INPPL1: variants seen among roughly 807,000 people sequenced by gnomAD.
INPPL1 encodes the protein inositol polyphosphate phosphatase like 1, also known as phosphatidylinositol 3,4,5-trisphosphate 5-phosphatase 2.
INPPL1 carries 91 observed loss-of-function variants against 139.3 expected under a neutral mutation model. That is an observed-to-expected ratio of 0.65 (90% confidence interval 0.55 to 0.78). The LOEUF (loss-of-function observed/expected upper bound fraction) is 0.78, where lower values mean the gene tolerates loss of function less well. INPPL1 is among the 30% of genes least tolerant of loss of function. The probability of loss-of-function intolerance (pLI) is 0.00; values close to 1 mark genes in which losing one functional copy is unlikely to be tolerated. For missense variants in INPPL1, 1,411 were observed against 1,665.6 expected, an observed-to-expected ratio of 0.85 and a Z score of 2.66; for synonymous variants, 719 against 686.6, an observed-to-expected ratio of 1.05 and a Z score of -0.74.
rs753306914 is a variant in INPPL1 at position 72,237,466 on chromosome 11, G to T, written c.3222G>T (p.Gly1074=). ...CCCCCAGCCTGGATCCTTTACCAGG[G>T]CCAGTGGTCCGGGGCCGTGGTGGGG... The part of the protein sequence containing the change: ...FLPPSLDPLP[G]PVVRGRGGAE... Residue 1074 remains glycine (G), a synonymous_variant, in exon 26 of 28, where the codon GGG becomes GGT. Transcript: ENST00000298229. 2 of 1,610,046 alleles carry T rather than the reference G, an allele frequency of 1.2e-6. No homozygotes were observed. The highest frequency in any genetic ancestry group is 2.7e-5 in the African/African-American group (2 of 74,884).
rs531392448 is a variant in INPPL1 at position 72,230,504 on chromosome 11, C to T, written c.1197+36C>T. 57 of 1,586,750 alleles carry T rather than the reference C, an allele frequency of 3.6e-5. 1 individual carries two copies. In the South Asian group the frequency reaches 5.1e-4, roughly 14 times the overall value. ...GGCTGGGCCAGGCCACTGGGGACTG[C>T]GGGGGTCCCCCACATGGGTGCTTCC... On this transcript the variant is annotated intron_variant, in intron 10 of 27. Coordinates refer to ENST00000298229, the MANE Select transcript of INPPL1 (RefSeq NM_001567.4).
intron 1 of INPPL1, among the ~76,000 whole-genome samples, chr11:72,227,591 G>T (rs1245466680): frequency 6.6e-6 from 1 of 152,138 alleles, no homozygotes; most frequent in African/African-American, 2.4e-5. Flanking sequence ...CTCAACTGCG[G>T]CTCCTGTCTG....
intron 25 of INPPL1, 72 bp downstream of exon 25, chr11:72,236,058 C>A: frequency 1.2e-6 from 1 of 861,508 alleles, no homozygotes; most frequent in Non-Finnish European, 1.8e-6. Context: ...CCTGCAGGGT[C>A]TCAGGGTTGG....
chr11:72,223,838 G>A (rs1948587409), upstream of INPPL1: 2 of 150,240 alleles, frequency 1.3e-5, no homozygotes, highest in Admixed American at 6.7e-5. Context: ...CCGGCTCCCC[G>A]GGGCGGCGCG....
Position 72,238,365 on chromosome 11 carries a change from C to T in INPPL1, c.*12C>T, listed in dbSNP as rs1471782417. On this transcript the variant is annotated 3_prime_UTR_variant, in exon 28 of 28. Coordinates refer to ENST00000298229, the MANE Select transcript of INPPL1 (RefSeq NM_001567.4). ...AGCTCAGCAAGTGATAGCGGAGGCA[C>T]CACGAAGCTGTGAACTCAGAGCCCC... is the stretch of plus-strand genomic sequence containing the variant. The T allele has an allele frequency of 6.6e-7, 1 of 1,526,406 alleles. No homozygotes were observed. The highest frequency in any genetic ancestry group is 2.2e-5 in the Admixed American group (1 of 46,286). The allele number at this position is 1,526,406 out of a possible 1,614,324, so 94.6% of individuals were successfully genotyped here.
Position 72,231,118 on chromosome 11 carries a change from G to T in INPPL1, c.1426G>T (p.Val476Leu). The change falls in exon 12 of 28, where the codon GTG becomes TTG. Residue 476 changes from valine to leucine, a missense_variant. Around this residue, in one of 5 missense-constraint regions of INPPL1, gnomAD observed 363 missense variants for 446.2 expected, o/e 0.81. Coordinates refer to ENST00000298229, the MANE Select transcript of INPPL1 (RefSeq NM_001567.4). ...IYVFGTQENS[V>L]GDREWLDLLR... ...TGTCTTTGGGACCCAGGAGAACTCA[G>T]TGGGCGACCGCGAGTGGCTGGACCT... 1 of 1,613,932 alleles carries T rather than the reference G, an allele frequency of 6.2e-7. No homozygotes were observed. Among genetic ancestry groups the T allele is most frequent in the Non-Finnish European group, 8.5e-7 (1 of 1,180,014 alleles).
rs1565389521 is a variant in INPPL1, at chr11:72,231,111, G to A, written c.1419G>A (p.Glu473=). ...ACATCTATGTCTTTGGGACCCAGGA[G>A]AACTCAGTGGGCGACCGCGAGTGGC... ...PHDIYVFGTQ[E]NSVGDREWLD... The change falls in exon 12 of 28, where the codon GAG becomes GAA. Residue 473 remains glutamate, a synonymous_variant. Transcript: ENST00000298229. 1 of 1,613,998 alleles carries A rather than the reference G, an allele frequency of 6.2e-7. No individual in the cohort carries two copies. The highest frequency in any genetic ancestry group is 8.5e-7 in the Non-Finnish European group (1 of 1,180,028).
chr11:72,232,194 C>A (rs1348915958), intron 13 of INPPL1, 46 bp from the exon 14 acceptor site: 3 of 1,415,466 alleles, frequency 2.1e-6, no homozygotes, highest in South Asian at 1.2e-5. Flanking sequence ...GAGTTGGGAG[C>A]CCTCTGAGGA....
rs150912074 is a variant in INPPL1, at chr11:72,237,764, C to G, written c.3520C>G (p.Arg1174Gly). The G allele has an allele frequency of 1.1e-5, 18 of 1,610,012 alleles. No homozygotes were observed. The highest frequency in any genetic ancestry group is 6.7e-5 in the East Asian group (3 of 44,710). ...RPLSFPPPRI[R>G]ESIQEDLAEE... ...CCTCAGCTTCCCTCCACCCCGCATC[C>G]GGGAGAGCATCCAGGAAGACCTGGC... The change falls in exon 26 of 28, where the codon CGG becomes GGG. Residue 1174 changes from arginine to glycine, a missense_variant. Physicochemically the swap from Arg to Gly is moderately radical, Grantham distance 125. Transcript: ENST00000298229.
chr11:72,228,134 T>C lies in INPPL1; in HGVS notation c.183-56T>C. On this transcript the variant is annotated intron_variant, in intron 1 of 27. Transcript: ENST00000298229. This position sits in a 1 kb window ranked among gnomAD's most constrained non-coding sequence, Gnocchi z 5.0. ...CTTGCTGGCAGGAGGAAGGGGTGCT[T>C]TGGGTCTTAGACCCCAGCCTGGGGG... is the stretch of plus-strand genomic sequence containing the variant. 6.3e-7 allele frequency: 1 copy of C among 1,595,840 alleles called. No homozygotes were observed. The highest frequency in any genetic ancestry group is 1.1e-5 in the South Asian group (1 of 90,624).
chr11:72,237,688 C>G lies in INPPL1; in HGVS notation c.3444C>G (p.Gly1148=), dbSNP rs1420151966. The G allele has an allele frequency of 6.2e-7, 1 of 1,611,876 alleles. No homozygotes were observed. The highest frequency in any genetic ancestry group is 8.5e-7 in the Non-Finnish European group (1 of 1,179,504). ...CTGCACGCTCAGCGCTCCTCCCAGGCCCCCTGGAGCTGCAGCCCCCCCGGG... is the reference window on the plus strand; with the variant it reads ...CTGCACGCTCAGCGCTCCTCCCAGGGCCCCTGGAGCTGCAGCCCCCCCGGG... ...AGPARSALLP[G]PLELQPPRGL... The change falls in exon 26 of 28, where the codon GGC becomes GGG. Residue 1148 remains glycine, a synonymous_variant. Transcript: ENST00000298229.
At position 72,235,786 on chromosome 11, in the gene INPPL1, A is replaced by T; in HGVS notation, c.2738+33A>T. The T allele has an allele frequency of 6.2e-7, 1 of 1,613,944 alleles. No homozygotes were observed. Among genetic ancestry groups the T allele is most frequent in the African/African-American group, 1.3e-5 (1 of 75,048 alleles). Reference sequence around the variant, plus strand: ...AGGGCTGTGTTGAATGTCATATGAAAGGGTACCTGGGGGCATCTGGTCAAC... The same window carrying T: ...AGGGCTGTGTTGAATGTCATATGAATGGGTACCTGGGGGCATCTGGTCAAC... On this transcript the variant is annotated intron_variant, in intron 24 of 27. Coordinates refer to ENST00000298229, the MANE Select transcript of INPPL1 (RefSeq NM_001567.4). The surrounding 1 kb of genome is among the most constrained non-coding windows in gnomAD (Gnocchi z 4.9).
intron 27 of INPPL1, 28 bp downstream of exon 27, chr11:72,238,203 G>C (rs761354098): frequency 4.3e-6 from 7 of 1,612,468 alleles, no homozygotes; most frequent in African/African-American, 1.3e-5. Flanking sequence ...CCCGGGGGCG[G>C]AGCTGGGGCC....
chr11:72,233,442 T>A lies in INPPL1; in HGVS notation c.2042T>A (p.Val681Asp). 1 of 1,613,990 alleles carries A rather than the reference T, an allele frequency of 6.2e-7. No homozygotes were observed. The highest frequency in any genetic ancestry group is 8.5e-7 in the Non-Finnish European group (1 of 1,179,942). The change falls in exon 18 of 28, where the codon GTC (valine) becomes GAC (aspartate). Residue 681 changes from valine (V) to aspartate (D), a missense_variant and splice_region_variant. Physicochemically the swap from Val to Asp is radical, Grantham distance 152 (BLOSUM62 -3). This residue lies in a region of INPPL1 where 363 missense variants were observed against 446.2 expected (regional missense o/e 0.81). Coordinates refer to ENST00000298229, the MANE Select transcript of INPPL1 (RefSeq NM_001567.4). ...YAWHKQKPTG[V>D]RTNVPSWCDR... ...CCATGCTGCCATCCCCTGCCCCAGG[T>A]CCGGACCAATGTGCCCTCATGGTGT...
Position 72,228,355 on chromosome 11 carries a change from A to G in INPPL1, c.254A>G (p.Gln85Arg). ...ACCCTTGCTGGCCCACAGACCTCGC[A>G]GGGTGTGCCTGTGCGCCGCTTCCAG... ...GEDFLAVQTS[Q>R]GVPVRRFQTL... Residue 85 changes from glutamine to arginine, a missense_variant, in exon 3 of 28, where the codon CAG (glutamine) becomes CGG (arginine). Gln to Arg is a conservative substitution (Grantham distance 43). Transcript: ENST00000298229. This position sits in a 1 kb window ranked among gnomAD's most constrained non-coding sequence, Gnocchi z 5.0. 1 of 1,613,662 alleles carries G rather than the reference A, an allele frequency of 6.2e-7. No individual in the cohort carries two copies. Among genetic ancestry groups the G allele is most frequent in the Non-Finnish European group, 8.5e-7 (1 of 1,179,922 alleles).
At chr11:72,232,078 CT>C (rs982726971) in intron 13 of INPPL1, among the ~76,000 whole-genome samples, 161 bp from the exon 14 acceptor site, 3 of 152,218 alleles carry the variant, frequency 2.0e-5, no homozygotes, top group Non-Finnish European at 2.9e-5. Flanking sequence ...GGACCCCCCC[CT>C]CCCCCAGGGA....
chr11:72,237,482 C>T lies in INPPL1; in HGVS notation c.3238C>T (p.Arg1080Cys), dbSNP rs756352122. The change falls in exon 26 of 28, where the codon CGT (arginine) becomes TGT (cysteine). Residue 1080 changes from arginine to cysteine, a missense_variant. Physicochemically the swap from Arg to Cys is radical, Grantham distance 180. This residue lies in a region of INPPL1 where 438 missense variants were observed against 425.7 expected (regional missense o/e 1.03). Coordinates refer to ENST00000298229, the MANE Select transcript of INPPL1 (RefSeq NM_001567.4). ...TTTACCAGGGCCAGTGGTCCGGGGC[C>T]GTGGTGGGGCTGAGGCCCGTGGCCC... Reference protein sequence around the residue: ...DPLPGPVVRGRGGAEARGPPP... With the variant: ...DPLPGPVVRGCGGAEARGPPP... The T allele has an allele frequency of 8.1e-6, 13 of 1,609,772 alleles. No homozygotes were observed. The highest frequency in any genetic ancestry group is 1.1e-5 in the South Asian group (1 of 90,908).
rs372488792 is a variant in INPPL1 at position 72,230,980 on chromosome 11, C to G, written c.1301-13C>G. On this transcript the variant is annotated splice_polypyrimidine_tract_variant and intron_variant, in intron 11 of 27. Transcript: ENST00000298229. ...TAACCCCTCCAGACCCACCTCACCC[C>G]CTTCACCTCCAGGAAGTGTACCACC... 6.2e-6 allele frequency: 10 copies of G among 1,612,266 alleles called. No homozygotes were observed. Among genetic ancestry groups the G allele is most frequent in the Non-Finnish European group, 8.5e-7 (1 of 1,178,868 alleles).
In INPPL1 at chr11:72,230,347, T is replaced by G; in HGVS notation, c.1091-15T>G. 1 of 1,613,872 alleles carries G rather than the reference T, an allele frequency of 6.2e-7. No individual in the cohort carries two copies. The highest frequency in any genetic ancestry group is 8.5e-7 in the Non-Finnish European group (1 of 1,179,956). On this transcript the variant is annotated splice_polypyrimidine_tract_variant and intron_variant, in intron 9 of 27. Coordinates refer to ENST00000298229, the MANE Select transcript of INPPL1 (RefSeq NM_001567.4). Reference sequence around the variant, plus strand: ...TAGGGGCACAGGCCCATGTGACCGGTCCTCCATGCCCTAGTCCGCCAGCTC... The same window carrying G: ...TAGGGGCACAGGCCCATGTGACCGGGCCTCCATGCCCTAGTCCGCCAGCTC...
Sources: allele counts gnomAD v4.1 joint callset (sites outside exome capture counted in the v4.1 genomes callset), GRCh38; gene constraint gnomAD v4.1.1; regional missense constraint gnomAD v4.1.1; non-coding constraint Gnocchi (gnomAD v3.1); transcripts MANE v1.5; gene names NCBI Gene and HGNC (gene_info 2026-07-23, HGNC 2026-07-21).